Variants in PITX1 observed in about 807,000 individuals in gnomAD.
PITX1 encodes the protein pituitary homeobox 1.
PITX1 carries 5 observed loss-of-function variants against 24.1 expected under a neutral mutation model. The ratio of observed to expected loss-of-function variants is 0.21; its 90% CI spans 0.11 to 0.44. PITX1 has a LOEUF of 0.44. Among genes scored for constraint, PITX1 ranks in the 20% least tolerant of loss-of-function variants. The pLI is 0.99. For missense variants in PITX1, 401 were observed against 455.4 expected, an observed-to-expected ratio of 0.88 and a Z score of 1.09; for synonymous variants, 213 against 208.9, an observed-to-expected ratio of 1.02 and a Z score of -0.17.
At chr5:135,030,190 C>T (rs973628151) in intron 2 of PITX1, among the ~76,000 whole-genome samples, 1 of 152,164 alleles carries the variant, frequency 6.6e-6, no homozygotes, top group African/African-American at 2.4e-5. Flanking sequence ...CTGCCTACCG[C>T]ATGCCCTCTG....
In PITX1 at chr5:135,033,657, C is replaced by T. The variant is rs1580929084; in HGVS notation, c.169+56G>A. On this transcript the variant is annotated intron_variant, in intron 1 of 2. Transcript: ENST00000265340. The surrounding 1 kb of genome is among the most constrained non-coding windows in gnomAD (Gnocchi z 5.9). Reference sequence around the variant, plus strand: ...GGGCGTCAGGCCCTGCTCCCAGCTCCCCGTGCTCCGCGCCCGGGTAGGCTC... The same window carrying T: ...GGGCGTCAGGCCCTGCTCCCAGCTCTCCGTGCTCCGCGCCCGGGTAGGCTC... 2.9e-5 allele frequency: 46 copies of T among 1,563,576 alleles called. No individual in the cohort carries two copies. The highest frequency in any genetic ancestry group is 1.8e-4 in the South Asian group (16 of 88,294).
In PITX1 at chr5:135,028,741, C is replaced by G. The variant is rs773006761; in HGVS notation, c.*38G>C. ...TCCGCGCCCGCGCCCGCGCCCTTCC[C>G]CGCTCCGGCCGCCGGCCCGCGTGGT... On this transcript the variant is annotated 3_prime_UTR_variant, in exon 3 of 3. Transcript: ENST00000265340. 12 of 1,467,694 alleles carry G rather than the reference C, an allele frequency of 8.2e-6. No individual in the cohort carries two copies. In the East Asian group the frequency reaches 1.8e-4, roughly 22 times the overall value. The allele number at this position is 1,467,694 out of a possible 1,614,324, so 90.9% of individuals were successfully genotyped here. A position where few individuals can be genotyped will look rare whatever the true frequency, so the allele number is the denominator to read the frequency against.
rs1013032115 is a variant in PITX1, at chr5:135,028,900, C to G, written c.824G>C (p.Arg275Pro). Residue 275 changes from arginine to proline, a missense_variant, in exon 3 of 3, where the codon CGG (arginine) becomes CCG (proline). Transcript: ENST00000265340. ...GGCTAGGCTCGAGTTGCACGTGTCCCGGTAGACGCTGTAGGGCGAGGCGGG... is the reference window on the plus strand; with the variant it reads ...GGCTAGGCTCGAGTTGCACGTGTCCGGGTAGACGCTGTAGGGCGAGGCGGG... ...GTPASPYSVY[R>P]DTCNSSLASL... 18 of 1,613,640 alleles carry G rather than the reference C, an allele frequency of 1.1e-5. No individual in the cohort carries two copies. The highest frequency in any genetic ancestry group is 1.7e-5 in the Admixed American group (1 of 60,000).
At chr5:135,029,381 C>T (rs952475059) in intron 2 of PITX1, 60 bp from the exon 3 acceptor site, 41 of 1,399,222 alleles carry the variant, frequency 2.9e-5, no homozygotes, top group Non-Finnish European at 3.8e-5. Context: ...ACCCCACCCC[C>T]TTCCCCACCG....
In PITX1 at chr5:135,033,644, C is replaced by CT. The variant is rs1752505194; in HGVS notation, c.169+68dup. On this transcript the variant is annotated intron_variant, in intron 1 of 2. Transcript: ENST00000265340. This position sits in a 1 kb window ranked among gnomAD's most constrained non-coding sequence, Gnocchi z 5.9. Reference sequence around the variant, plus strand: ...GGTTGCGCGGCGCGGGCGTCAGGCCCTGCTCCCAGCTCCCCGTGCTCCGCG... The same window carrying CT: ...GGTTGCGCGGCGCGGGCGTCAGGCCCTTGCTCCCAGCTCCCCGTGCTCCGCG... 6.6e-7 allele frequency: 1 copy of CT among 1,510,362 alleles called. No individual in the cohort carries two copies. The highest frequency in any genetic ancestry group is 1.8e-5 in the Admixed American group (1 of 56,816). 93.6% of individuals were successfully genotyped at this position (1,510,362 alleles called of 1,614,324 possible).
Position 135,028,752 on chromosome 5 carries a change from G to A in PITX1, c.*27C>T, listed in dbSNP as rs563224007. ...GCCCGCGCCCTTCCCCGCTCCGGCC[G>A]CCGGCCCGCGTGGTGCGGCGGGGCG... On this transcript the variant is annotated 3_prime_UTR_variant, in exon 3 of 3. Transcript: ENST00000265340. 266 of 1,512,798 alleles carry A rather than the reference G, an allele frequency of 1.8e-4. 3 individuals carry two copies. The East Asian group carries it at 6.0e-3, about 34-fold the overall frequency. 93.7% of individuals were successfully genotyped at this position (1,512,798 alleles called of 1,614,324 possible).
chr5:135,033,593 A>T lies in PITX1; in HGVS notation c.169+120T>A. On this transcript the variant is annotated intron_variant, in intron 1 of 2. Coordinates refer to ENST00000265340, the MANE Select transcript of PITX1 (RefSeq NM_002653.5). The surrounding 1 kb of genome is among the most constrained non-coding windows in gnomAD (Gnocchi z 5.9). The stretch of plus-strand genomic sequence containing the variant: ...GAGAACGGGAAAAAGAAAGCTCCTG[A>T]CGCTTCTGGGGCGGAGAGGGAGCTT... 9.7e-7 allele frequency: 1 copy of T among 1,031,504 alleles called. No individual in the cohort carries two copies. The highest frequency in any genetic ancestry group is 1.4e-6 in the Non-Finnish European group (1 of 698,680). The allele number at this position is 1,031,504 out of a possible 1,614,324, so 63.9% of individuals were successfully genotyped here.
chr5:135,029,029 C>T lies in PITX1; in HGVS notation c.695G>A (p.Gly232Asp). 6.2e-7 allele frequency: 1 copy of T among 1,614,214 alleles called. No individual in the cohort carries two copies. The highest frequency in any genetic ancestry group is 8.5e-7 in the Non-Finnish European group (1 of 1,180,032). Reference protein sequence around the residue: ...SMTMPSSMGPGAVPGMPNSGL... With the variant: ...SMTMPSSMGPDAVPGMPNSGL... Reference sequence around the variant, plus strand: ...CGAGTTGGGCATGCCAGGCACGGCGCCTGGGCCCATGCTGGACGGCATGGT... The same window carrying T: ...CGAGTTGGGCATGCCAGGCACGGCGTCTGGGCCCATGCTGGACGGCATGGT... Residue 232 changes from glycine (G) to aspartate (D), a missense_variant, in exon 3 of 3, where the codon GGC (glycine) becomes GAC (aspartate). Transcript: ENST00000265340.
At position 135,028,748 on chromosome 5, in the gene PITX1, G is replaced by C; in HGVS notation, c.*31C>G. The C allele has an allele frequency of 1.3e-6, 2 of 1,493,968 alleles. No individual in the cohort carries two copies. The highest frequency in any genetic ancestry group is 1.8e-6 in the Non-Finnish European group (2 of 1,122,872). The allele number at this position is 1,493,968 out of a possible 1,614,324, so 92.5% of individuals were successfully genotyped here. A position where few individuals can be genotyped will look rare whatever the true frequency, so the allele number is the denominator to read the frequency against. On this transcript the variant is annotated 3_prime_UTR_variant, in exon 3 of 3. Transcript: ENST00000265340. The stretch of plus-strand genomic sequence containing the variant: ...CCGCGCCCGCGCCCTTCCCCGCTCC[G>C]GCCGCCGGCCCGCGTGGTGCGGCGG...
chr5:135,028,548 GCT>G lies in PITX1; in HGVS notation c.*229_*230del, dbSNP rs1491219576. On this transcript the variant is annotated 3_prime_UTR_variant, in exon 3 of 3. Coordinates refer to ENST00000265340, the MANE Select transcript of PITX1 (RefSeq NM_002653.5). ...CGGCACTTTTCTCCGACGTCTTTTT[GCT>G]TTTTTTTTTTTTTTTTTTTTTTTGT... The G allele has an allele frequency of 2.2e-4, 28 of 124,704 alleles. No homozygotes were observed. The highest frequency in any genetic ancestry group is 3.6e-4 in the Non-Finnish European group (24 of 65,904). 7.7% of individuals were successfully genotyped at this position (124,704 alleles called of 1,614,324 possible).
chr5:135,034,317 G>GGAGC (rs1190691861), upstream of PITX1: 4 of 151,600 alleles, frequency 2.6e-5, no homozygotes, highest in East Asian at 2.0e-4. Flanking sequence ...GGCTGGGGAG[G>GGAGC]GAGCGAGCGA....
In PITX1 at chr5:135,034,161, CTCCG is replaced by C. The variant is rs1752524395; in HGVS notation, c.-284_-281del. Reference sequence around the variant, plus strand: ...GCAGCCCGGCCGGCCCCGGCTCCGGCTCCGGCTCCGGCTCGCGATCCGGGGCCGG... The same window carrying C: ...GCAGCCCGGCCGGCCCCGGCTCCGGCGCTCCGGCTCGCGATCCGGGGCCGG... On this transcript the variant is annotated 5_prime_UTR_variant, in exon 1 of 3. Transcript: ENST00000265340. 1 of 152,268 alleles carries C rather than the reference CTCCG, an allele frequency of 6.6e-6. No homozygotes were observed. The highest frequency in any genetic ancestry group is 2.1e-4 in the South Asian group (1 of 4,864). The allele number at this position is 152,268 out of a possible 1,614,324, so 9.4% of individuals were successfully genotyped here.
rs70976562 is a variant in PITX1, at chr5:135,028,549, CTTTTTTTTTTTTT to C, written c.*217_*229del. The C allele has an allele frequency of 6.6e-5, 5 of 76,300 alleles. 1 individual carries two copies. The highest frequency in any genetic ancestry group is 1.9e-4 in the Admixed American group (1 of 5,258). The allele number at this position is 76,300 out of a possible 1,614,324, so 4.7% of individuals were successfully genotyped here. A position where few individuals can be genotyped will look rare whatever the true frequency, so the allele number is the denominator to read the frequency against. ...GGCACTTTTCTCCGACGTCTTTTTG[CTTTTTTTTTTTTT>C]TTTTTTTTTTTGTCTTTTTGGAGGG... On this transcript the variant is annotated 3_prime_UTR_variant, in exon 3 of 3. Coordinates refer to ENST00000265340, the MANE Select transcript of PITX1 (RefSeq NM_002653.5).
In PITX1 at chr5:135,028,639, G is replaced by C; in HGVS notation, c.*140C>G. The C allele has an allele frequency of 2.4e-6, 1 of 423,198 alleles. No individual in the cohort carries two copies. The highest frequency in any genetic ancestry group is 3.7e-6 in the Non-Finnish European group (1 of 268,302). The allele number at this position is 423,198 out of a possible 1,614,324, so 26.2% of individuals were successfully genotyped here. On this transcript the variant is annotated 3_prime_UTR_variant, in exon 3 of 3. Transcript: ENST00000265340. ...CAAAACCAACCCGGAGTGGGAAGTG[G>C]GAGGAGGGGGCTGCGCAGGTGTGAG... is the stretch of plus-strand genomic sequence containing the variant.
At position 135,033,670 on chromosome 5, in the gene PITX1, C is replaced by G. The variant is rs766331387; in HGVS notation, c.169+43G>C. The stretch of plus-strand genomic sequence containing the variant: ...TGCTCCCAGCTCCCCGTGCTCCGCG[C>G]CCGGGTAGGCTCTGTGCGCGCCGCG... On this transcript the variant is annotated intron_variant, in intron 1 of 2. Coordinates refer to ENST00000265340, the MANE Select transcript of PITX1 (RefSeq NM_002653.5). The surrounding 1 kb of genome is among the most constrained non-coding windows in gnomAD (Gnocchi z 5.9). The G allele has an allele frequency of 3.8e-6, 6 of 1,583,662 alleles. No homozygotes were observed. The highest frequency in any genetic ancestry group is 5.1e-6 in the Non-Finnish European group (6 of 1,171,268).
At chr5:135,030,712 A>G (rs1174222882) in intron 2 of PITX1, among the ~76,000 whole-genome samples, 1 of 152,200 alleles carries the variant, frequency 6.6e-6, no homozygotes, top group African/African-American at 2.4e-5. Context: ...AAAGGGCAGA[A>G]GGCAAAGGGT....
Position 135,029,155 on chromosome 5 carries a change from G to A in PITX1, c.569C>T (p.Ala190Val). Residue 190 changes from alanine (A) to valine (V), a missense_variant, in exon 3 of 3, where the codon GCG becomes GTG. Coordinates refer to ENST00000265340, the MANE Select transcript of PITX1 (RefSeq NM_002653.5). ...SYNNWAAKSLAPAPLSTKSFT... is the reference protein window; with the variant it reads ...SYNNWAAKSLVPAPLSTKSFT... ...GCTCTTGGTGGAGAGCGGCGCTGGC[G>A]CCAGGCTCTTGGCGGCCCAGTTGTT... The A allele has an allele frequency of 1.9e-6, 3 of 1,614,240 alleles. No homozygotes were observed. Among genetic ancestry groups the A allele is most frequent in the Non-Finnish European group, 2.5e-6 (3 of 1,180,038 alleles).
intron 2 of PITX1, 34 bp downstream of exon 2, chr5:135,031,242 C>T (rs1201133424): frequency 3.2e-6 from 5 of 1,566,254 alleles, no homozygotes; most frequent in Admixed American, 1.7e-5. Context: ...GAGCCCTCTG[C>T]GCGGGTGCCC....
intron 1 of PITX1, chr5:135,031,773 C>A (rs1752455899): frequency 3.5e-6 from 2 of 573,514 alleles, no homozygotes; most frequent in African/African-American, 1.9e-5. Flanking sequence ...GGGCCTGCAC[C>A]CTTAGCTCGG....
Sources: allele counts gnomAD v4.1 joint callset (sites outside exome capture counted in the v4.1 genomes callset), GRCh38; gene constraint gnomAD v4.1.1; non-coding constraint Gnocchi (gnomAD v3.1); transcripts MANE v1.5; gene names NCBI Gene and HGNC (gene_info 2026-07-23, HGNC 2026-07-21).